Variants in FAM20C observed in about 807,000 individuals in gnomAD.
The protein encoded by FAM20C is extracellular serine/threonine protein kinase FAM20C.
Under a neutral mutation model 51.5 loss-of-function variants are expected in FAM20C, and 40 were observed. That is an observed-to-expected ratio of 0.78 (90% CI 0.60 to 1.01). The LOEUF (loss-of-function observed/expected upper bound fraction) is 1.01, where lower values mean the gene tolerates loss of function less well. FAM20C is among the 50% of genes least tolerant of loss of function. FAM20C has a pLI of 0.00. For synonymous variants in FAM20C, 406 were observed against 380.6 expected (o/e 1.07, Z -0.78); for missense variants, 861 against 844.7 (o/e 1.02, Z -0.24).
intron 3 of FAM20C, among the ~76,000 whole-genome samples, chr7:243,139 G>A (rs1477135473): frequency 3.3e-5 from 2 of 60,914 alleles, no homozygotes; most frequent in Admixed American, 1.4e-4. Flanking sequence ...GTGCCACCCG[G>A]GAGACCTGTG....
intron 3 of FAM20C, among the ~76,000 whole-genome samples, chr7:216,865 T>C (rs745519450): frequency 6.6e-6 from 1 of 152,108 alleles, no homozygotes. Flanking sequence ...GCAGAAACTT[T>C]AGCCCTCCTT....
At chr7:256,202 G>T in intron 6 of FAM20C, 173 bp downstream of exon 6, 1 of 836,152 alleles carries the variant, frequency 1.2e-6, no homozygotes, top group Non-Finnish European at 1.8e-6. Flanking sequence ...GTGGCAGAGG[G>T]CGTCCTTACT....
rs1193992790 is a variant in FAM20C at position 192,731 on chromosome 7, G to A, written c.-469G>A. ...CGTGAGAGCAGAGCCCGGCCCGGAG[G>A]AGCCGCCCCTTCCCCGCCCGCCCGC... On this transcript the variant is annotated 5_prime_UTR_variant, in exon 1 of 10. Coordinates refer to ENST00000313766, the MANE Select transcript of FAM20C (RefSeq NM_020223.4). Among the ~76,000 whole-genome samples, 4 of 148,870 alleles carry A rather than the reference G, an allele frequency of 2.7e-5. No homozygotes were observed. Among genetic ancestry groups the A allele is most frequent in the Admixed American group, 6.6e-5 (1 of 15,042 alleles).
At chr7:224,351 G>T (rs535985202) in intron 3 of FAM20C, among the ~76,000 whole-genome samples, 11 of 21,256 alleles carry the variant, frequency 5.2e-4, no homozygotes, top group African/African-American at 1.3e-3. Context: ...CTTCTCTCAC[G>T]GAGCAGAACG....
At chr7:256,508 A>G in intron 6 of FAM20C, 146 bp from the exon 7 acceptor site, 2 of 672,998 alleles carry the variant, frequency 3.0e-6, no homozygotes, top group Non-Finnish European at 5.2e-6. Flanking sequence ...TGCTCCCGCT[A>G]ATGCAGCCTC....
At chr7:231,979 T>C (rs1318391469) in intron 3 of FAM20C, among the ~76,000 whole-genome samples, 2 of 152,160 alleles carry the variant, frequency 1.3e-5, no homozygotes, top group Non-Finnish European at 2.9e-5. Context: ...GCCTGATGGT[T>C]TGCTGTTGGT....
Position 257,414 on chromosome 7 carries a change from C to T in FAM20C, c.1445+328C>T, listed in dbSNP as rs765499802. ...CAGAATAGATGGGCCTCTGCCTGCA[C>T]GCGGTACCTGGAGCCAGCCAGCGGG... On this transcript the variant is annotated intron_variant, in intron 8 of 9. Coordinates refer to ENST00000313766, the MANE Select transcript of FAM20C (RefSeq NM_020223.4). The T allele has an allele frequency of 2.0e-4, 54 of 273,312 alleles. No individual in the cohort carries two copies. In the Middle Eastern group the frequency reaches 3.4e-3, roughly 17 times the overall value. The allele number at this position is 273,312 out of a possible 1,614,324, so 16.9% of individuals were successfully genotyped here. A position where few individuals can be genotyped will look rare whatever the true frequency, so the allele number is the denominator to read the frequency against.
intron 2 of FAM20C, among the ~76,000 whole-genome samples, chr7:196,474 G>A (rs1001620854): frequency 2.0e-5 from 3 of 152,236 alleles, no homozygotes; most frequent in African/African-American, 4.8e-5. Flanking sequence ...TAGTGAGGGC[G>A]GGGCTGAGGC....
At chr7:224,053 T>C (rs1316115747) in intron 3 of FAM20C, among the ~76,000 whole-genome samples, 3,288 of 119,186 alleles carry the variant, frequency 0.028, 74 homozygotes, top group South Asian at 0.038. Flanking sequence ...CCTTCTCTCA[T>C]TGCGCAGAAT....
chr7:258,378 A>G lies in FAM20C; in HGVS notation c.1446-268A>G, dbSNP rs376034182. On this transcript the variant is annotated intron_variant, in intron 8 of 9. Coordinates refer to ENST00000313766, the MANE Select transcript of FAM20C (RefSeq NM_020223.4). ...ACTGCCTGAGGTGCTGGAGATGGGC[A>G]GGGTGGACCCACTGCCCGGGATGCT... is the stretch of plus-strand genomic sequence containing the variant. 6.7e-4 allele frequency among the ~76,000 whole-genome samples: 47 copies of G among 69,864 alleles called. 1 individual carries two copies. Among genetic ancestry groups the G allele is most frequent in the African/African-American group, 1.0e-3 (18 of 17,832 alleles). 45.8% of individuals were successfully genotyped at this position (69,864 alleles called of 152,430 possible). A position where few individuals can be genotyped will look rare whatever the true frequency, so the allele number is the denominator to read the frequency against.
intron 3 of FAM20C, among the ~76,000 whole-genome samples, chr7:222,841 A>T (rs1279877638): frequency 6.6e-6 from 1 of 151,708 alleles, no homozygotes; most frequent in African/African-American, 2.4e-5. Flanking sequence ...ATGTGTGTGC[A>T]TGCATGTCCT....
rs1785905447 is a variant in FAM20C, at chr7:197,031, T to G, written c.784+1299T>G. 1.9e-5 allele frequency: 3 copies of G among 160,392 alleles called. No individual in the cohort carries two copies. The South Asian group carries it at 6.2e-4, about 33-fold the overall frequency. The allele number at this position is 160,392 out of a possible 1,614,324, so 9.9% of individuals were successfully genotyped here. A position where few individuals can be genotyped will look rare whatever the true frequency, so the allele number is the denominator to read the frequency against. ...TTTCAGCTGTGCTGGGGAACAGTCC[T>G]GCAGACAGCCACAGCCAGAACGTCC... On this transcript the variant is annotated intron_variant, in intron 2 of 9. Coordinates refer to ENST00000313766, the MANE Select transcript of FAM20C (RefSeq NM_020223.4).
intron 2 of FAM20C, among the ~76,000 whole-genome samples, chr7:207,825 C>A (rs1169404002): frequency 6.6e-6 from 1 of 152,240 alleles, no homozygotes; most frequent in African/African-American, 2.4e-5. Flanking sequence ...CTGCCCCAGG[C>A]CGAGGCCAGC....
chr7:193,506 T>C lies in FAM20C; in HGVS notation c.307T>C (p.Ser103Pro). ...DFSSDPSSNL[S>P]SHSLEKLPPA... ...CAGCTCCGACCCCTCCTCCAACCTC[T>C]CGTCCCACTCGCTGGAGAAACTGCC... Residue 103 changes from serine to proline, a missense_variant, in exon 1 of 10, where the codon TCG becomes CCG. Physicochemically the swap from Ser to Pro is moderately conservative, Grantham distance 74. Coordinates refer to ENST00000313766, the MANE Select transcript of FAM20C (RefSeq NM_020223.4). 1 of 1,502,856 alleles carries C rather than the reference T, an allele frequency of 6.7e-7. No individual in the cohort carries two copies. Among genetic ancestry groups the C allele is most frequent in the Non-Finnish European group, 8.9e-7 (1 of 1,122,888 alleles). The allele number at this position is 1,502,856 out of a possible 1,614,324, so 93.1% of individuals were successfully genotyped here. A position where few individuals can be genotyped will look rare whatever the true frequency, so the allele number is the denominator to read the frequency against.
In FAM20C at chr7:260,096, T is replaced by G. The variant is rs1462055261; in HGVS notation, c.*116T>G. ...AGAGGCAGGACGGGATCATCCGGAG[T>G]CGGGAGCTGCTGCCACAGGAGGCGA... On this transcript the variant is annotated 3_prime_UTR_variant, in exon 10 of 10. Transcript: ENST00000313766. The G allele has an allele frequency of 1.5e-6, 2 of 1,347,414 alleles. No homozygotes were observed. Among genetic ancestry groups the G allele is most frequent in the African/African-American group, 3.0e-5 (2 of 67,722 alleles). The allele number at this position is 1,347,414 out of a possible 1,614,324, so 83.5% of individuals were successfully genotyped here. A position where few individuals can be genotyped will look rare whatever the true frequency, so the allele number is the denominator to read the frequency against.
intron 3 of FAM20C, among the ~76,000 whole-genome samples, chr7:244,346 G>A (rs1032976450): frequency 6.6e-6 from 1 of 152,126 alleles, no homozygotes; most frequent in Non-Finnish European, 1.5e-5. Context: ...TGAAAACAAC[G>A]AAGGCTTTTT....
intron 2 of FAM20C, among the ~76,000 whole-genome samples, chr7:198,797 G>T (rs768502204): frequency 4.4e-4 from 67 of 152,188 alleles, no homozygotes; most frequent in Non-Finnish European, 9.1e-4. Flanking sequence ...CCTACTGGGT[G>T]GGGTCTTTGT....
At chr7:218,452 C>G (rs929856538) in intron 3 of FAM20C, among the ~76,000 whole-genome samples, 1 of 152,232 alleles carries the variant, frequency 6.6e-6, no homozygotes, top group Non-Finnish European at 1.5e-5. Context: ...GACTGCACGA[C>G]CTGCTCAATG....
chr7:226,630 T>C (rs1410862680), intron 3 of FAM20C, among the ~76,000 whole-genome samples: 1 of 152,014 alleles, frequency 6.6e-6, no homozygotes, highest in African/African-American at 2.4e-5. Context: ...AGGCGGCCGC[T>C]CCACCCCACT....
Sources: gnomAD v4.1 joint callset for allele counts (sites outside exome capture counted in the v4.1 genomes callset) on GRCh38, gnomAD v4.1.1 for gene constraint, MANE v1.5 for transcripts, NCBI Gene and HGNC (gene_info 2026-07-23, HGNC 2026-07-21) for gene names.